The following ANXA6 variants were observed in gnomAD, a reference collection of about 807,000 sequenced individuals.
The protein encoded by ANXA6 is 67 kDa calelectrin.
ANXA6 carries 71 observed loss-of-function variants against 95.4 expected under a neutral mutation model. The observed-to-expected ratio is 0.74, with a 90% CI of 0.61 to 0.91. ANXA6 has a LOEUF of 0.91. Among genes scored for constraint, ANXA6 ranks in the 40% least tolerant of loss-of-function variants. ANXA6 has a pLI of 0.00. For missense variants in ANXA6, 830 were observed against 876.4 expected, an observed-to-expected ratio of 0.95 and a Z score of 0.67; for synonymous variants, 289 against 315.9, an observed-to-expected ratio of 0.91 and a Z score of 0.90.
intron 7 of ANXA6, among the ~76,000 whole-genome samples, chr5:151,135,148 T>C (rs952278412): frequency 8.5e-5 from 13 of 152,204 alleles, no homozygotes; most frequent in African/African-American, 2.9e-4. Context: ...GAGAGGTCTA[T>C]GGCCATCCCC....
Position 151,112,402 on chromosome 5 carries a change from AT to A in ANXA6, c.1573-1759del, listed in dbSNP as rs903162820. Among the ~76,000 whole-genome samples, 79 of 151,968 alleles carry A rather than the reference AT, an allele frequency of 5.2e-4. 1 individual carries two copies. The highest frequency in any genetic ancestry group is 1.4e-3 in the African/African-American group (56 of 41,382). On this transcript the variant is annotated intron_variant, in intron 20 of 25. Transcript: ENST00000354546. ...AGGGACTATGAGGGAAAGCTTTCGCATTTTTTTTATTCTTCCTGAAAATTTC... is the reference window on the plus strand; with the variant it reads ...AGGGACTATGAGGGAAAGCTTTCGCATTTTTTTATTCTTCCTGAAAATTTC...
intron 5 of ANXA6, 28 bp from the exon 6 acceptor site, chr5:151,137,349 T>G: frequency 1.8e-4 from 253 of 1,424,318 alleles, no homozygotes; most frequent in Non-Finnish European, 2.3e-4. Flanking sequence ...GCGCATGAAT[T>G]AAGGGCAGGG....
At chr5:151,147,165 C>G (rs193216801) in intron 2 of ANXA6, among the ~76,000 whole-genome samples, 1 of 152,126 alleles carries the variant, frequency 6.6e-6, no homozygotes, top group Non-Finnish European at 1.5e-5. Context: ...CAGGTGCCTC[C>G]AATTCTATTG....
At chr5:151,118,680 A>C (rs1301865469) in intron 18 of ANXA6, among the ~76,000 whole-genome samples, 1 of 152,040 alleles carries the variant, frequency 6.6e-6, no homozygotes, top group Non-Finnish European at 1.5e-5. Context: ...GGGATCCACC[A>C]TCTCGGCCTC....
intron 20 of ANXA6, among the ~76,000 whole-genome samples, chr5:151,114,613 TAAAAAAAAAAAAAAAAAAA>T (rs61407672): frequency 1.1e-4 from 8 of 70,298 alleles, no homozygotes; most frequent in African/African-American, 4.2e-4. Flanking sequence ...GACTCCGTCT[TAAAAAAAAAAAAAAAAAAA>T]AAAAAAAAAA....
At chr5:151,147,062 C>T (rs1765993026) in intron 2 of ANXA6, among the ~76,000 whole-genome samples, 1 of 152,168 alleles carries the variant, frequency 6.6e-6, no homozygotes, top group African/African-American at 2.4e-5. Context: ...TGAGAGTCAC[C>T]GTGCCCAGCC....
chr5:151,113,383 A>G (rs1764904239), intron 20 of ANXA6, among the ~76,000 whole-genome samples: 1 of 152,184 alleles, frequency 6.6e-6, no homozygotes, highest in African/African-American at 2.4e-5. Context: ...CCTGGGCAAC[A>G]AGAGGAAAAC....
intron 17 of ANXA6, 131 bp downstream of exon 17, chr5:151,122,016 T>A: frequency 1.8e-6 from 1 of 546,144 alleles, no homozygotes. Context: ...CCTTTTGTGT[T>A]TATGCCAGTT....
chr5:151,111,006 G>A (rs1764832957), intron 20 of ANXA6, among the ~76,000 whole-genome samples: 1 of 152,098 alleles, frequency 6.6e-6, no homozygotes, highest in Non-Finnish European at 1.5e-5. Context: ...AATAATCCCT[G>A]CCACTTCCTT....
chr5:151,129,267 G>A (rs1765420664), intron 12 of ANXA6, 140 bp downstream of exon 12: 5 of 1,072,896 alleles, frequency 4.7e-6, no homozygotes, highest in Non-Finnish European at 6.6e-6. Context: ...CCTTGAATGA[G>A]CCACAAGGCA....
In ANXA6 at chr5:151,136,095, C is replaced by T. The variant is rs556615029; in HGVS notation, c.489+161G>A. ...TCACAGCAGAAGACACTCCTGGGCA[C>T]GAGAGGACTGTGTGCCAAAGAGAAA... On this transcript the variant is annotated intron_variant, in intron 7 of 25. Coordinates refer to ENST00000354546, the MANE Select transcript of ANXA6 (RefSeq NM_001155.5). Among the ~76,000 whole-genome samples, 7 of 152,214 alleles carry T rather than the reference C, an allele frequency of 4.6e-5. No individual in the cohort carries two copies. In the South Asian group the frequency reaches 8.3e-4, roughly 18 times the overall value.
rs372235082 is a variant in ANXA6 at position 151,124,277 on chromosome 5, C to T, written c.1138+9G>A. ...GAGACCAACCCTGCTCCCTTCCCAT[C>T]CCCCATACCGAGTCCCTTCATGGCT... On this transcript the variant is annotated intron_variant, in intron 15 of 25. Transcript: ENST00000354546. 5.0e-6 allele frequency: 8 copies of T among 1,613,008 alleles called. No individual in the cohort carries two copies. In the African/African-American group the frequency reaches 8.0e-5, roughly 16 times the overall value.
intron 3 of ANXA6, among the ~76,000 whole-genome samples, chr5:151,139,829 C>A (rs116465588): frequency 0.012 from 1,875 of 152,250 alleles, 34 homozygotes; most frequent in African/African-American, 0.042. Context: ...TAAGCACCAC[C>A]TTCGGATTGT....
chr5:151,139,315 C>G, intron 4 of ANXA6, 38 bp downstream of exon 4: 1 of 1,433,368 alleles, frequency 7.0e-7, no homozygotes, highest in Non-Finnish European at 9.6e-7. Context: ...ATCATTCTTC[C>G]ACCCGCACCC....
intron 2 of ANXA6, chr5:151,141,809 A>G: frequency 1.3e-6 from 1 of 745,214 alleles, no homozygotes. Flanking sequence ...AGAGTAACAC[A>G]TGCCGAATAC....
At chr5:151,119,743 G>A (rs12519170) in intron 17 of ANXA6, among the ~76,000 whole-genome samples, 43,359 of 152,176 alleles carry the variant, frequency 0.28, 6,785 homozygotes, top group East Asian at 0.48. Flanking sequence ...GTGTTAACTA[G>A]CAGTTTGGTC....
In ANXA6 at chr5:151,140,230, C is replaced by T. The variant is rs200516508; in HGVS notation, c.32G>A (p.Arg11Gln). 43 of 1,613,724 alleles carry T rather than the reference C, an allele frequency of 2.7e-5. No homozygotes were observed. In the African/African-American group the frequency reaches 3.6e-4, roughly 14 times the overall value. Residue 11 changes from arginine (R) to glutamine (Q), a missense_variant, in exon 3 of 26, where the codon CGG becomes CAG. Physicochemically the swap from Arg to Gln is conservative, Grantham distance 43. Transcript: ENST00000354546. The part of the protein sequence containing the change: MAKPAQGAKY[R>Q]GSIHDFPGFD... ...GCCTGGGAAGTCATGGATGGAGCCC[C>T]GGTACTTGGCACCCTGTGGAGAAAA...
At position 151,138,792 on chromosome 5, in the gene ANXA6, C is replaced by T. The variant is rs1465867620; in HGVS notation, c.205-1G>A. ...CATACTTTAAATCAGCAATGAGGTC[C>T]TGGCAGGTGGGGAAGAAGAGGAGAT... On this transcript the variant is annotated splice_acceptor_variant, in intron 4 of 25. Transcript: ENST00000354546. LOFTEE classifies it high-confidence loss of function. The T allele has an allele frequency of 6.2e-7, 1 of 1,606,570 alleles. No individual in the cohort carries two copies. The highest frequency in any genetic ancestry group is 2.2e-5 in the East Asian group (1 of 44,834).
At chr5:151,108,896 G>A (rs1764772330) in intron 22 of ANXA6, among the ~76,000 whole-genome samples, 1 of 152,196 alleles carries the variant, frequency 6.6e-6, no homozygotes, top group South Asian at 2.1e-4. Flanking sequence ...GGGACCTTGG[G>A]TGATCCCTCT....
Sources: allele counts gnomAD v4.1 joint callset (sites outside exome capture counted in the v4.1 genomes callset), GRCh38; gene constraint gnomAD v4.1.1; transcripts MANE v1.5; gene names NCBI Gene and HGNC (gene_info 2026-07-23, HGNC 2026-07-21).